The following SLC24A4 variants were observed in gnomAD, a reference collection of about 807,000 sequenced individuals.
SLC24A4 encodes the protein sodium/potassium/calcium exchanger 4.
Under a neutral mutation model 79.0 loss-of-function variants are expected in SLC24A4, and 53 were observed. The observed-to-expected ratio is 0.67, with a 90% CI of 0.54 to 0.84. The LOEUF (loss-of-function observed/expected upper bound fraction) is 0.84. SLC24A4 is among the 40% of genes least tolerant of loss of function. SLC24A4 has a pLI of 0.00. For missense variants in SLC24A4, 731 were observed against 822.0 expected (o/e 0.89, Z 1.35); for synonymous variants, 323 against 323.8 (o/e 1.00, Z 0.03).
Position 92,442,091 on chromosome 14 carries a change from A to T in SLC24A4, c.396A>T (p.Arg132Ser). The T allele has an allele frequency of 6.2e-7, 1 of 1,613,502 alleles. No homozygotes were observed. Among genetic ancestry groups the T allele is most frequent in the Non-Finnish European group, 8.5e-7 (1 of 1,179,568 alleles). ...GTCTGTGGTCACTTCCGTTTCAGAG[A>T]CTCCATCTGAGCGAAGATGTGGCTG... ...FVPSLEKICE[R>S]LHLSEDVAGA... is the part of the protein sequence containing the mutation. The change falls in exon 5 of 17, where the codon AGA (arginine) becomes AGT (serine). Residue 132 changes from arginine to serine, a missense_variant and splice_region_variant. By Grantham distance (110) the Arg-to-Ser change is moderately radical. Coordinates refer to ENST00000532405, the MANE Select transcript of SLC24A4 (RefSeq NM_153646.4).
intron 16 of SLC24A4, 93 bp from the exon 17 acceptor site, chr14:92,493,383 C>G: frequency 6.8e-7 from 1 of 1,462,974 alleles, no homozygotes; most frequent in East Asian, 2.3e-5. Flanking sequence ...GCAGAATGTT[C>G]TAGGTTTCCC....
chr14:92,449,292 A>T, intron 10 of SLC24A4, 76 bp downstream of exon 10: 1 of 670,996 alleles, frequency 1.5e-6, no homozygotes, highest in Non-Finnish European at 2.2e-6. Flanking sequence ...ACACACACAC[A>T]CACACACACA....
intron 2 of SLC24A4, among the ~76,000 whole-genome samples, chr14:92,400,833 A>G (rs765597105): frequency 1.3e-5 from 2 of 152,226 alleles, no homozygotes; most frequent in Non-Finnish European, 2.9e-5. Flanking sequence ...GGAGATGCAT[A>G]CTTTGCATAT....
At chr14:92,445,798 C>T (rs1390223833) in intron 8 of SLC24A4, among the ~76,000 whole-genome samples, 1 of 152,166 alleles carries the variant, frequency 6.6e-6, no homozygotes, top group East Asian at 1.9e-4. Flanking sequence ...AGGGTAAACT[C>T]CAGGTGATTT....
In SLC24A4 at chr14:92,483,920, C is replaced by T. The variant is rs58098863; in HGVS notation, c.1422+1074C>T. On this transcript the variant is annotated intron_variant, in intron 13 of 16. Coordinates refer to ENST00000532405, the MANE Select transcript of SLC24A4 (RefSeq NM_153646.4). Reference sequence around the variant, plus strand: ...GGGCCAGTAAACGTTCCATGCTGGCCCAGGGGCCACCTTTCCCTTAACTCC... The same window carrying T: ...GGGCCAGTAAACGTTCCATGCTGGCTCAGGGGCCACCTTTCCCTTAACTCC... 5.7e-3 allele frequency: 7,230 copies of T among 1,265,694 alleles called. 312 individuals carry two copies. The East Asian group carries it at 0.14, about 24-fold the overall frequency. The allele number at this position is 1,265,694 out of a possible 1,614,324, so 78.4% of individuals were successfully genotyped here.
chr14:92,395,060 A>G (rs1889689103), intron 2 of SLC24A4, among the ~76,000 whole-genome samples: 1 of 152,158 alleles, frequency 6.6e-6, no homozygotes, highest in Admixed American at 6.5e-5. Context: ...GGAGATAGGA[A>G]AGGGTCGGAG....
chr14:92,403,600 T>C (rs1349367458), intron 2 of SLC24A4, among the ~76,000 whole-genome samples: 4 of 139,372 alleles, frequency 2.9e-5, no homozygotes, highest in Non-Finnish European at 4.6e-5. Flanking sequence ...AGAGCGAGAC[T>C]CCATCTAAAA....
chr14:92,373,988 TATATC>T (rs1157092446), intron 2 of SLC24A4, among the ~76,000 whole-genome samples: 1 of 152,224 alleles, frequency 6.6e-6, no homozygotes, highest in Non-Finnish European at 1.5e-5. Flanking sequence ...TATTCATAAA[TATATC>T]AGTCAGTGCA....
At chr14:92,443,216 G>A in intron 6 of SLC24A4, 184 bp from the exon 7 acceptor site, 1 of 655,950 alleles carries the variant, frequency 1.5e-6, no homozygotes, top group East Asian at 2.7e-5. Context: ...GCTTTGCCAT[G>A]GCTTGAGAAC....
chr14:92,354,135 A>G lies in SLC24A4; in HGVS notation c.241+28157A>G, dbSNP rs903934556. ...GTTTAGCCTCCTGGCAAGCCTTGCC[A>G]GGTGATCGTACACCATATTATTTTA... On this transcript the variant is annotated intron_variant, in intron 2 of 16. Coordinates refer to ENST00000532405, the MANE Select transcript of SLC24A4 (RefSeq NM_153646.4). Among the ~76,000 whole-genome samples the G allele has an allele frequency of 5.3e-5, 8 of 150,992 alleles. No individual in the cohort carries two copies. In the East Asian group the frequency reaches 1.4e-3, roughly 26 times the overall value.
intron 12 of SLC24A4, among the ~76,000 whole-genome samples, chr14:92,476,307 A>G (rs1446916356): frequency 6.6e-6 from 1 of 152,210 alleles, no homozygotes. Flanking sequence ...GGACAAACCA[A>G]TCAAGGCAGG....
chr14:92,492,398 A>G (rs1895732452), intron 16 of SLC24A4, among the ~76,000 whole-genome samples, 158 bp downstream of exon 16: 1 of 152,244 alleles, frequency 6.6e-6, no homozygotes, highest in South Asian at 2.1e-4. Flanking sequence ...ACCCAAGTCC[A>G]GTCTTTGCCA....
intron 13 of SLC24A4, 90 bp from the exon 14 acceptor site, chr14:92,486,570 TGTTTCC>T: frequency 1.3e-6 from 1 of 741,912 alleles, no homozygotes; most frequent in South Asian, 1.8e-5. Context: ...CTAAAATAAC[TGTTTCC>T]TACGCTTACA....
At chr14:92,471,731 G>A (rs988352129) in intron 12 of SLC24A4, among the ~76,000 whole-genome samples, 2 of 152,142 alleles carry the variant, frequency 1.3e-5, no homozygotes, top group African/African-American at 2.4e-5. Flanking sequence ...AGACGTCAAG[G>A]AAAGGAGTCA....
At chr14:92,406,185 A>G (rs1322101609) in intron 2 of SLC24A4, among the ~76,000 whole-genome samples, 1 of 152,194 alleles carries the variant, frequency 6.6e-6, no homozygotes, top group East Asian at 1.9e-4. Context: ...CTTTGACTCT[A>G]TGTCTCACAT....
chr14:92,382,688 AG>A (rs1888924677), intron 2 of SLC24A4, among the ~76,000 whole-genome samples: 1 of 152,188 alleles, frequency 6.6e-6, no homozygotes. Context: ...CCCCCTCCGT[AG>A]GTCATGCCTT....
chr14:92,482,358 T>C (rs12882080), intron 12 of SLC24A4, among the ~76,000 whole-genome samples: 149,489 of 152,338 alleles, frequency 0.98, 73,424 homozygotes, highest in Middle Eastern at 1. Flanking sequence ...CTGTCTGTCT[T>C]CAAAGCCCAA....
intron 2 of SLC24A4, among the ~76,000 whole-genome samples, chr14:92,339,346 G>A (rs79809731): frequency 0.04 from 6,151 of 152,322 alleles, 361 homozygotes; most frequent in African/African-American, 0.13. Flanking sequence ...ATGGGAAAGT[G>A]TGGCTGCTGT....
At chr14:92,394,694 G>C (rs956892168) in intron 2 of SLC24A4, among the ~76,000 whole-genome samples, 5 of 152,134 alleles carry the variant, frequency 3.3e-5, no homozygotes, top group Admixed American at 6.5e-5. Context: ...AACCAAAAAG[G>C]AGCCTAGGAC....
Sources: allele counts gnomAD v4.1 joint callset (sites outside exome capture counted in the v4.1 genomes callset), GRCh38; gene constraint gnomAD v4.1.1; transcripts MANE v1.5; gene names NCBI Gene and HGNC (gene_info 2026-07-23, HGNC 2026-07-21).